CDK14: variants seen among roughly 807,000 people sequenced by gnomAD.
The protein encoded by CDK14 is cyclin-dependent kinase 14.
Under a neutral mutation model 60.7 loss-of-function variants are expected in CDK14, and 34 were observed. The observed-to-expected ratio is 0.56, with a 90% CI of 0.43 to 0.75. The LOEUF (loss-of-function observed/expected upper bound fraction) is 0.75. Ranked by LOEUF, CDK14 falls within the 30% of genes least tolerant of loss-of-function variation. CDK14 has a pLI of 0.00. For missense variants in CDK14, 482 were observed against 564.1 expected, an observed-to-expected ratio of 0.85 and a Z score of 1.47; for synonymous variants, 197 against 203.7, an observed-to-expected ratio of 0.97 and a Z score of 0.28.
At chr7:91,116,590 C>G (rs1799616885) in intron 13 of CDK14, among the ~76,000 whole-genome samples, 1 of 152,170 alleles carries the variant, frequency 6.6e-6, no homozygotes, top group South Asian at 2.1e-4. Flanking sequence ...AAAAATAAAA[C>G]AGGTGCACCC....
intron 3 of CDK14, among the ~76,000 whole-genome samples, chr7:90,739,384 T>C (rs765210969): frequency 1.3e-5 from 2 of 152,200 alleles, no homozygotes; most frequent in Non-Finnish European, 2.9e-5. Context: ...ACTAAATCTT[T>C]CTTGTGAATG....
At chr7:90,732,592 T>C (rs1215308379) in intron 3 of CDK14, among the ~76,000 whole-genome samples, 1 of 152,242 alleles carries the variant, frequency 6.6e-6, no homozygotes, top group Non-Finnish European at 1.5e-5. Context: ...TCCAGGAATT[T>C]ATCCATTTCT....
chr7:90,598,704 A>ATTTTTCT lies in CDK14; in HGVS notation c.91+1991_91+1992insCTTTTTT, dbSNP rs1554416546. On this transcript the variant is annotated intron_variant, in intron 1 of 14. Transcript: ENST00000380050. ...GTGAACTCATTCTGATTATCTAAGG[A>ATTTTTCT]TTTTTTTTTTTTTTTTTTGAGACGG... 1.7e-3 allele frequency among the ~76,000 whole-genome samples: 150 copies of ATTTTTCT among 87,904 alleles called. 6 individuals carry two copies. The highest frequency in any genetic ancestry group is 5.5e-3 in the African/African-American group (137 of 24,850). 57.7% of individuals were successfully genotyped at this position (87,904 alleles called of 152,430 possible). A position where few individuals can be genotyped will look rare whatever the true frequency, so the allele number is the denominator to read the frequency against.
At chr7:91,076,724 A>G (rs1798329849) in intron 11 of CDK14, among the ~76,000 whole-genome samples, 1 of 152,144 alleles carries the variant, frequency 6.6e-6, no homozygotes, top group Non-Finnish European at 1.5e-5. Context: ...AGGCAACAGA[A>G]TGGGGGAACA....
At chr7:90,750,698 C>T (rs999016457) in intron 4 of CDK14, among the ~76,000 whole-genome samples, 4 of 152,018 alleles carry the variant, frequency 2.6e-5, no homozygotes, top group African/African-American at 9.7e-5. Flanking sequence ...TATGATGAAA[C>T]CCCATCTCTA....
intron 14 of CDK14, among the ~76,000 whole-genome samples, chr7:91,155,684 A>G (rs1195469007): frequency 6.6e-6 from 1 of 152,224 alleles, no homozygotes. Flanking sequence ...ACAAGATTGC[A>G]ATGTTTTATA....
chr7:91,089,094 G>A (rs1333130745), intron 12 of CDK14, among the ~76,000 whole-genome samples: 3 of 152,166 alleles, frequency 2.0e-5, no homozygotes, highest in Non-Finnish European at 4.4e-5. Flanking sequence ...ATAAAATCAT[G>A]TGTACTTCTT....
intron 5 of CDK14, among the ~76,000 whole-genome samples, chr7:90,844,465 A>G (rs1790396363): frequency 6.6e-6 from 1 of 152,216 alleles, no homozygotes; most frequent in South Asian, 2.1e-4. Context: ...GTCATGAGGT[A>G]GGACTTCTAA....
intron 8 of CDK14, among the ~76,000 whole-genome samples, chr7:90,931,618 A>AG (rs1793593251): frequency 6.6e-6 from 1 of 152,222 alleles, no homozygotes; most frequent in African/African-American, 2.4e-5. Flanking sequence ...GGGATAAGAG[A>AG]GGAAAACTAC....
chr7:90,964,696 C>T (rs1794703635), intron 9 of CDK14, among the ~76,000 whole-genome samples: 3 of 152,046 alleles, frequency 2.0e-5, no homozygotes, highest in African/African-American at 7.2e-5. Context: ...TATTGCTATT[C>T]ATTGATTTAC....
At chr7:90,701,195 C>T (rs1007949248) in intron 2 of CDK14, among the ~76,000 whole-genome samples, 1 of 152,144 alleles carries the variant, frequency 6.6e-6, no homozygotes, top group Non-Finnish European at 1.5e-5. Flanking sequence ...CATTTCTTAG[C>T]TACTTATGTG....
intron 11 of CDK14, among the ~76,000 whole-genome samples, chr7:91,074,817 G>T (rs901698057): frequency 2.0e-5 from 3 of 151,934 alleles, no homozygotes; most frequent in South Asian, 4.2e-4. Context: ...GATATCACCA[G>T]TGACCCCAGA....
At chr7:90,932,273 C>CA (rs1793617901) in intron 8 of CDK14, among the ~76,000 whole-genome samples, 2 of 152,102 alleles carry the variant, frequency 1.3e-5, no homozygotes, top group Admixed American at 1.3e-4. Context: ...GGGAGGCTGA[C>CA]ACGGGCAGAT....
intron 8 of CDK14, among the ~76,000 whole-genome samples, chr7:90,919,369 T>A (rs1793174777): frequency 6.6e-6 from 1 of 152,210 alleles, no homozygotes; most frequent in Non-Finnish European, 1.5e-5. Flanking sequence ...TTTATGCTGA[T>A]GTTTTCATTG....
chr7:91,173,368 G>T (rs1801591815), intron 14 of CDK14, among the ~76,000 whole-genome samples: 1 of 151,988 alleles, frequency 6.6e-6, no homozygotes, highest in Non-Finnish European at 1.5e-5. Flanking sequence ...TTGGAGCAAT[G>T]GGATCACTTG....
At chr7:90,598,313 A>G (rs1346144727) in intron 1 of CDK14, among the ~76,000 whole-genome samples, 1 of 152,214 alleles carries the variant, frequency 6.6e-6, no homozygotes, top group African/African-American at 2.4e-5. Flanking sequence ...TAAAATTTGG[A>G]TTAAGTACAG....
chr7:90,875,877 C>A (rs1009148667), intron 6 of CDK14, among the ~76,000 whole-genome samples: 33 of 152,016 alleles, frequency 2.2e-4, no homozygotes, highest in African/African-American at 6.3e-4. Context: ...TTCTAAGGTA[C>A]CTTTGCTCTG....
chr7:90,837,612 C>T, intron 5 of CDK14, among the ~76,000 whole-genome samples: 1 of 152,170 alleles, frequency 6.6e-6, no homozygotes, highest in East Asian at 1.9e-4. Flanking sequence ...GATGTATTAT[C>T]TCTGTGGGGA....
chr7:90,683,941 C>T (rs879731147), intron 2 of CDK14, among the ~76,000 whole-genome samples: 2 of 143,256 alleles, frequency 1.4e-5, no homozygotes, highest in African/African-American at 2.6e-5. Flanking sequence ...TGTATGCATT[C>T]ATATATACAT....
Sources: gnomAD v4.1 joint callset for allele counts (sites outside exome capture counted in the v4.1 genomes callset) on GRCh38, gnomAD v4.1.1 for gene constraint, MANE v1.5 for transcripts, NCBI Gene and HGNC (gene_info 2026-07-23, HGNC 2026-07-21) for gene names.